The following PRICKLE1 variants were observed in gnomAD, a reference collection of about 807,000 sequenced individuals.
PRICKLE1 encodes the protein prickle-like protein 1.
A neutral mutation model predicts 70.2 loss-of-function variants in PRICKLE1; 14 were observed. The observed-to-expected ratio is 0.20, with a 90% confidence interval of 0.13 to 0.31. The LOEUF is 0.31. PRICKLE1 is among the 10% of genes least tolerant of loss of function. The pLI is 1.00. For missense variants in PRICKLE1, 821 were observed against 1,026.2 expected (o/e 0.80, Z 2.73); for synonymous variants, 357 against 379.9 (o/e 0.94, Z 0.70).
intron 1 of PRICKLE1, among the ~76,000 whole-genome samples, chr12:42,530,680 ATTT>A (rs34675637): frequency 3.1e-5 from 3 of 97,096 alleles, no homozygotes; most frequent in East Asian, 2.9e-4. Flanking sequence ...TTATCAAATA[ATTT>A]TTTTTTTTTT....
Position 42,458,522 on chromosome 12 carries a change from CTTACAGTACTCA to C in PRICKLE1, c.*1275_*1286del, listed in dbSNP as rs1937660039. On this transcript the variant is annotated 3_prime_UTR_variant, in exon 8 of 8. Transcript: ENST00000345127. ...TCCTTGAACCAGAACCTCATATTAA[CTTACAGTACTCA>C]ATGGCACAGCATCCTCTAATTTAAA... is the stretch of plus-strand genomic sequence containing the variant. 1 of 148,978 alleles carries C rather than the reference CTTACAGTACTCA, an allele frequency of 6.7e-6. No homozygotes were observed. The highest frequency in any genetic ancestry group is 2.6e-5 in the African/African-American group (1 of 38,430). The allele number at this position is 148,978 out of a possible 1,614,324, so 9.2% of individuals were successfully genotyped here.
At chr12:42,575,020 TC>T (rs1317139096) in intron 1 of PRICKLE1, among the ~76,000 whole-genome samples, 1 of 151,500 alleles carries the variant, frequency 6.6e-6, no homozygotes, top group African/African-American at 2.4e-5. Context: ...TTTTTTTTTT[TC>T]AACCATTAGC....
Position 42,464,732 on chromosome 12 carries a change from C to A in PRICKLE1, c.1302G>T (p.Glu434Asp). The A allele has an allele frequency of 6.2e-7, 1 of 1,614,084 alleles. No homozygotes were observed. Among genetic ancestry groups the A allele is most frequent in the Non-Finnish European group, 8.5e-7 (1 of 1,180,018 alleles). The part of the protein sequence containing the change: ...DKSLFQPQPN[E>D]MDIRASEHWI... ...AGTGCTCACTGGCTCGAATATCCAT[C>A]TCATTGGGCTGTGGCTGAAAGAGGC... Residue 434 changes from glutamate (E) to aspartate (D), a missense_variant, in exon 7 of 8, where the codon GAG (glutamate) becomes GAT (aspartate). Glu to Asp is a conservative substitution (Grantham distance 45). Transcript: ENST00000345127. This position sits in a 1 kb window ranked among gnomAD's most constrained non-coding sequence, Gnocchi z 4.2.
intron 1 of PRICKLE1, among the ~76,000 whole-genome samples, chr12:42,554,491 A>C (rs1291007258): frequency 6.6e-6 from 1 of 152,210 alleles, no homozygotes; most frequent in African/African-American, 2.4e-5. Flanking sequence ...TATCTTTTTA[A>C]AAGGAGATGG....
Position 42,460,647 on chromosome 12 carries a change from T to C in PRICKLE1, c.1658A>G (p.Glu553Gly). 6.2e-7 allele frequency: 1 copy of C among 1,610,326 alleles called. No individual in the cohort carries two copies. The highest frequency in any genetic ancestry group is 8.5e-7 in the Non-Finnish European group (1 of 1,180,002). ...ATACAATGATGGCCTTGGCTTGTTTTCTCCATCCACCGAAGCCCCTAGAAG... is the reference window on the plus strand; with the variant it reads ...ATACAATGATGGCCTTGGCTTGTTTCCTCCATCCACCGAAGCCCCTAGAAG... ...SNITGASVDG[E>G]NKPRPSLYSL... is the part of the protein sequence containing the mutation. Residue 553 changes from glutamate to glycine, a missense_variant, in exon 8 of 8, where the codon GAA (glutamate) becomes GGA (glycine). Glu to Gly is a moderately conservative substitution (Grantham distance 98). Coordinates refer to ENST00000345127, the MANE Select transcript of PRICKLE1 (RefSeq NM_153026.3).
At chr12:42,472,900 A>G (rs1462402970) in intron 1 of PRICKLE1, among the ~76,000 whole-genome samples, 1 of 152,146 alleles carries the variant, frequency 6.6e-6, no homozygotes, top group Non-Finnish European at 1.5e-5. Context: ...CTTGCCCACA[A>G]ATCCTTGTGA....
At chr12:42,494,751 G>T (rs1486125307) in intron 1 of PRICKLE1, among the ~76,000 whole-genome samples, 1 of 149,788 alleles carries the variant, frequency 6.7e-6, no homozygotes, top group Non-Finnish European at 1.5e-5. Context: ...ATGTTGCAGT[G>T]AGCCGAGATC....
At chr12:42,470,762 TG>T (rs1938288905) in intron 2 of PRICKLE1, among the ~76,000 whole-genome samples, 1 of 152,020 alleles carries the variant, frequency 6.6e-6, no homozygotes, top group Non-Finnish European at 1.5e-5. Flanking sequence ...AAAAATTAGC[TG>T]GGCGTGGTGA....
intron 1 of PRICKLE1, among the ~76,000 whole-genome samples, chr12:42,473,980 C>G (rs929860010): frequency 5.9e-5 from 9 of 152,086 alleles, no homozygotes; most frequent in African/African-American, 2.2e-4. Context: ...CCTATTAAAA[C>G]CTTTGATTAT....
chr12:42,567,853 A>T (rs1222774058), intron 1 of PRICKLE1, among the ~76,000 whole-genome samples: 1 of 151,850 alleles, frequency 6.6e-6, no homozygotes, highest in Non-Finnish European at 1.5e-5. Context: ...GGGGATACAC[A>T]TTCCACATTC....
At chr12:42,478,616 G>C (rs1938666318) in intron 1 of PRICKLE1, among the ~76,000 whole-genome samples, 1 of 152,030 alleles carries the variant, frequency 6.6e-6, no homozygotes, top group Non-Finnish European at 1.5e-5. Context: ...AAAACTAAAA[G>C]CCTACTATCA....
chr12:42,572,469 AAATT>A (rs1272000440), intron 1 of PRICKLE1, among the ~76,000 whole-genome samples: 55 of 146,712 alleles, frequency 3.7e-4, no homozygotes, highest in African/African-American at 1.2e-3. Context: ...ATAAATAAAT[AAATT>A]AAAAATACTT....
intron 1 of PRICKLE1, among the ~76,000 whole-genome samples, chr12:42,510,461 A>T (rs768938334): frequency 7.2e-5 from 11 of 152,184 alleles, no homozygotes; most frequent in Non-Finnish European, 1.6e-4. Flanking sequence ...TGGGAGGCCA[A>T]GGTGGGAGAA....
chr12:42,581,798 G>C (rs533309842), intron 1 of PRICKLE1, among the ~76,000 whole-genome samples: 2 of 151,684 alleles, frequency 1.3e-5, no homozygotes, highest in African/African-American at 4.8e-5. Flanking sequence ...GTGTCCACAG[G>C]CAGCATAAAC....
rs144540190 is a variant in PRICKLE1 at position 42,562,551 on chromosome 12, A to G, written c.-49+26914T>C. On this transcript the variant is annotated intron_variant, in intron 1 of 7. Transcript: ENST00000345127. ...GAGACCTTAAAAATAAGAAAAAATT[A>G]AAACTAAAAATGGAAGAAATGAGAA... 4.9e-3 allele frequency among the ~76,000 whole-genome samples: 747 copies of G among 152,278 alleles called. 3 individuals are homozygous for G. Among genetic ancestry groups the G allele is most frequent in the Non-Finnish European group, 7.9e-3 (538 of 68,024 alleles).
intron 1 of PRICKLE1, among the ~76,000 whole-genome samples, chr12:42,576,826 T>C (rs1940812881): frequency 6.6e-6 from 1 of 152,150 alleles, no homozygotes; most frequent in Non-Finnish European, 1.5e-5. Flanking sequence ...TGCTGAAAAG[T>C]GAGTGATTTA....
chr12:42,542,863 C>T (rs1940141242), intron 1 of PRICKLE1, among the ~76,000 whole-genome samples: 1 of 152,146 alleles, frequency 6.6e-6, no homozygotes, highest in African/African-American at 2.4e-5. Context: ...ATGTTTGCGT[C>T]CTCTAACCCC....
At chr12:42,508,750 G>A (rs1267665898) in intron 1 of PRICKLE1, among the ~76,000 whole-genome samples, 1 of 152,150 alleles carries the variant, frequency 6.6e-6, no homozygotes, top group Admixed American at 6.5e-5. Flanking sequence ...CACTTTCAGG[G>A]TGCTTGGAGA....
intron 1 of PRICKLE1, among the ~76,000 whole-genome samples, chr12:42,487,699 A>G (rs912216232): frequency 6.6e-6 from 1 of 152,214 alleles, no homozygotes; most frequent in African/African-American, 2.4e-5. Context: ...AGTTTGGATT[A>G]GGTCAATGTT....
Sources: gnomAD v4.1 joint callset for allele counts (sites outside exome capture counted in the v4.1 genomes callset) on GRCh38, gnomAD v4.1.1 for gene constraint, Gnocchi (gnomAD v3.1) non-coding constraint, MANE v1.5 for transcripts, NCBI Gene and HGNC (gene_info 2026-07-23, HGNC 2026-07-21) for gene names.